Variants in PDE4D observed in about 807,000 individuals in gnomAD.
PDE4D encodes the protein 3',5'-cyclic-AMP phosphodiesterase 4D.
Under a neutral mutation model 87.4 loss-of-function variants are expected in PDE4D, and 24 were observed. The observed-to-expected ratio is 0.27, with a 90% CI of 0.20 to 0.39. PDE4D has a LOEUF of 0.39. Ranked by LOEUF, PDE4D falls within the 10% of genes least tolerant of loss-of-function variation. PDE4D has a pLI of 1.00. For missense variants in PDE4D, 714 were observed against 1,041.0 expected (o/e 0.69, Z 4.32); for synonymous variants, 384 against 383.2 (o/e 1.00, Z -0.02).
rs373011675 is a variant in PDE4D at position 60,511,115 on chromosome 5, G to C, written n.70+10936C>G. Among the ~76,000 whole-genome samples the C allele has an allele frequency of 1.1e-4, 17 of 152,158 alleles. No individual in the cohort carries two copies. In the South Asian group the frequency reaches 3.3e-3, roughly 30 times the overall value. On this transcript the variant is annotated intron_variant and non_coding_transcript_variant, in intron 1 of 2. Transcript: ENST00000506510. ...CTCCCAAGTAGCTGGGATTATAGGT[G>C]CTTGCCACCATGCCGAGATAATTTT... is the stretch of plus-strand genomic sequence containing the variant.
intron 2 of PDE4D, among the ~76,000 whole-genome samples, chr5:60,090,107 A>G (rs781641871): frequency 7.9e-5 from 12 of 152,238 alleles, no homozygotes; most frequent in Middle Eastern, 6.8e-3. Flanking sequence ...AACCTATACC[A>G]ATTCTCTTTA....
intron 1 of PDE4D, among the ~76,000 whole-genome samples, chr5:59,521,017 T>C (rs58922738): frequency 0.1 from 15,197 of 152,094 alleles, 905 homozygotes; most frequent in African/African-American, 0.16. Flanking sequence ...AAGGATCATT[T>C]ATACTCCTAG....
At chr5:60,393,516 A>G (rs937981017) in intron 1 of PDE4D, among the ~76,000 whole-genome samples, 1 of 152,194 alleles carries the variant, frequency 6.6e-6, no homozygotes, top group African/African-American at 2.4e-5. Context: ...AACACTACCA[A>G]TTTAATCAAG....
intron 2 of PDE4D, among the ~76,000 whole-genome samples, chr5:60,013,054 G>A (rs954744661): frequency 2.6e-5 from 4 of 152,136 alleles, no homozygotes; most frequent in Non-Finnish European, 5.9e-5. Context: ...TTTCTTGCCT[G>A]TGTCCCTGAT....
chr5:59,263,628 A>G (rs867196020), intron 1 of PDE4D, among the ~76,000 whole-genome samples: 9 of 152,120 alleles, frequency 5.9e-5, no homozygotes, highest in Middle Eastern at 3.4e-3. Context: ...TTAATTACCT[A>G]TACTTAAGTG....
intron 1 of PDE4D, among the ~76,000 whole-genome samples, chr5:59,287,491 TG>T (rs1322853661): frequency 6.6e-6 from 1 of 152,066 alleles, no homozygotes; most frequent in Non-Finnish European, 1.5e-5. Context: ...AGGAACTAGT[TG>T]TCTTGAAGGG....
intron 2 of PDE4D, among the ~76,000 whole-genome samples, chr5:60,160,416 G>T (rs1782369575): frequency 6.6e-6 from 1 of 152,028 alleles, no homozygotes; most frequent in African/African-American, 2.4e-5. Context: ...ATGCAAACTT[G>T]CTGGGAATCC....
chr5:59,695,027 A>G (rs1751545797), intron 1 of PDE4D, among the ~76,000 whole-genome samples: 1 of 152,138 alleles, frequency 6.6e-6, no homozygotes, highest in African/African-American at 2.4e-5. Context: ...CCCCCCAGGA[A>G]TACCCATCTG....
At chr5:60,156,615 T>G (rs1314240547) in intron 2 of PDE4D, among the ~76,000 whole-genome samples, 1 of 152,190 alleles carries the variant, frequency 6.6e-6, no homozygotes, top group Non-Finnish European at 1.5e-5. Context: ...TTTTTTTCAT[T>G]ATAAAAGTTT....
rs1239809039 is a variant in PDE4D at position 60,513,400 on chromosome 5, A to G, written n.70+8651T>C. On this transcript the variant is annotated intron_variant and non_coding_transcript_variant, in intron 1 of 2. Coordinates refer to the PDE4D transcript ENST00000506510. The stretch of plus-strand genomic sequence containing the variant: ...ACTAGGAAGATATAATAATTTTAAA[A>G]GTATATGCTCCTAATAACAGAGGCT... Among the ~76,000 whole-genome samples, 4 of 152,258 alleles carry G rather than the reference A, an allele frequency of 2.6e-5. No individual in the cohort carries two copies. In the East Asian group the frequency reaches 7.7e-4, roughly 29 times the overall value.
chr5:60,219,551 G>A (rs1374543075), intron 1 of PDE4D, among the ~76,000 whole-genome samples: 1 of 152,150 alleles, frequency 6.6e-6, no homozygotes, highest in Non-Finnish European at 1.5e-5. Flanking sequence ...TTTAGAATCA[G>A]TCTATGAGCT....
intron 1 of PDE4D, among the ~76,000 whole-genome samples, chr5:60,237,220 A>C (rs1746528083): frequency 6.6e-6 from 1 of 151,890 alleles, no homozygotes; most frequent in Non-Finnish European, 1.5e-5. Flanking sequence ...AATAGCTTTA[A>C]TTTTCTTTAA....
intron 1 of PDE4D, among the ~76,000 whole-genome samples, chr5:59,623,552 T>C (rs1251258093): frequency 2.0e-5 from 3 of 152,146 alleles, no homozygotes; most frequent in Non-Finnish European, 4.4e-5. Flanking sequence ...CCTCTCTAAA[T>C]AAATCTATTA....
intron 1 of PDE4D, among the ~76,000 whole-genome samples, chr5:60,355,175 G>A (rs904564547): frequency 1.3e-5 from 2 of 152,176 alleles, no homozygotes; most frequent in African/African-American, 4.8e-5. Context: ...CCTGTAAAAA[G>A]TAAAAACAAG....
At chr5:59,090,416 T>C (rs1768486740) in intron 5 of PDE4D, among the ~76,000 whole-genome samples, 1 of 152,166 alleles carries the variant, frequency 6.6e-6, no homozygotes, top group South Asian at 2.1e-4. Context: ...CAGGGAGATA[T>C]GTTTCCTCCC....
chr5:59,223,641 T>C (rs1753046660), intron 1 of PDE4D, among the ~76,000 whole-genome samples: 1 of 152,184 alleles, frequency 6.6e-6, no homozygotes, highest in African/African-American at 2.4e-5. Flanking sequence ...GATACTTCTC[T>C]ATTGAAAATT....
intron 1 of PDE4D, among the ~76,000 whole-genome samples, chr5:59,341,564 A>C (rs1034951576): frequency 1.3e-5 from 2 of 152,238 alleles, no homozygotes; most frequent in African/African-American, 4.8e-5. Flanking sequence ...CTTAACACTG[A>C]AAGTTTTTTA....
intron 1 of PDE4D, among the ~76,000 whole-genome samples, chr5:59,290,025 C>T (rs1460864216): frequency 6.6e-6 from 1 of 151,492 alleles, no homozygotes; most frequent in Non-Finnish European, 1.5e-5. Context: ...AAAGAGAACA[C>T]AAAAAAATGG....
intron 1 of PDE4D, among the ~76,000 whole-genome samples, chr5:60,515,606 T>TC (rs1429356241): frequency 9.5e-5 from 14 of 147,832 alleles, no homozygotes; most frequent in Non-Finnish European, 1.9e-4. Flanking sequence ...TTTTTCTTTT[T>TC]TTTTTTTTTT....
Sources: gnomAD v4.1 joint callset for allele counts (sites outside exome capture counted in the v4.1 genomes callset) on GRCh38, gnomAD v4.1.1 for gene constraint, MANE v1.5 for transcripts, NCBI Gene and HGNC (gene_info 2026-07-23, HGNC 2026-07-21) for gene names.